The following CFAP20DC variants were observed in gnomAD, a reference collection of about 807,000 sequenced individuals.
CFAP20DC encodes the protein CFAP20 domain containing.
CFAP20DC carries 84 observed loss-of-function variants against 101.7 expected under a neutral mutation model. The observed-to-expected ratio is 0.83, with a 90% CI of 0.69 to 0.99. The LOEUF is 0.99. CFAP20DC is among the 50% of genes least tolerant of loss of function. The pLI is 0.00. For synonymous variants in CFAP20DC, 359 were observed against 351.2 expected (o/e 1.02, Z -0.25); for missense variants, 1,007 against 970.3 (o/e 1.04, Z -0.50).
chr3:58,808,777 A>G (rs2074343792), intron 14 of CFAP20DC, among the ~76,000 whole-genome samples: 1 of 152,328 alleles, frequency 6.6e-6, no homozygotes, highest in East Asian at 1.9e-4. Context: ...GGCAAATTGG[A>G]TAAAGAGTCA....
intron 16 of CFAP20DC, among the ~76,000 whole-genome samples, chr3:58,750,055 G>T (rs2068460806): frequency 6.6e-6 from 1 of 152,096 alleles, no homozygotes; most frequent in South Asian, 2.1e-4. Flanking sequence ...CTTCCTGCTG[G>T]CCGGCTGTGA....
At chr3:58,750,658 T>C (rs1346504085) in intron 16 of CFAP20DC, among the ~76,000 whole-genome samples, 2 of 152,200 alleles carry the variant, frequency 1.3e-5, no homozygotes, top group African/African-American at 4.8e-5. Flanking sequence ...CATTTGATCT[T>C]GGTCAAGTCA....
chr3:58,838,624 T>C (rs984477815), intron 13 of CFAP20DC, among the ~76,000 whole-genome samples: 2 of 152,228 alleles, frequency 1.3e-5, no homozygotes, highest in Non-Finnish European at 2.9e-5. Flanking sequence ...TGATGTGCTA[T>C]ATTTATATAG....
chr3:58,777,307 T>C (rs1209759985), intron 15 of CFAP20DC, among the ~76,000 whole-genome samples: 1 of 152,226 alleles, frequency 6.6e-6, no homozygotes, highest in Non-Finnish European at 1.5e-5. Flanking sequence ...TTACATGTAC[T>C]GATTGATGTC....
chr3:58,980,386 G>A (rs564583190), intron 4 of CFAP20DC, among the ~76,000 whole-genome samples: 33 of 152,212 alleles, frequency 2.2e-4, no homozygotes, highest in East Asian at 7.7e-4. Flanking sequence ...ACCAAAGGAC[G>A]GCAGAGACAC....
intron 4 of CFAP20DC, among the ~76,000 whole-genome samples, chr3:58,978,459 A>C (rs902679744): frequency 2.6e-5 from 4 of 152,088 alleles, no homozygotes; most frequent in African/African-American, 9.7e-5. Context: ...CTCTAATCCC[A>C]GCACTTTGGG....
intron 4 of CFAP20DC, among the ~76,000 whole-genome samples, chr3:58,995,641 T>C (rs556510779): frequency 3.3e-5 from 5 of 152,304 alleles, no homozygotes. Flanking sequence ...AAGGTGTTTT[T>C]GGCCGAGATT....
At position 59,001,741 on chromosome 3, in the gene CFAP20DC, A is replaced by G. The variant is rs2108758734; in HGVS notation, c.278+37816T>C. The stretch of plus-strand genomic sequence containing the variant: ...GTGTGAGCCACTGTGCCCGGCACAG[A>G]CAACCTTTTTCTAATCTCGCAAAAG... On this transcript the variant is annotated intron_variant, in intron 4 of 16. Coordinates refer to ENST00000482387, the MANE Select transcript of CFAP20DC (RefSeq NM_001394063.1). The surrounding 1 kb of genome is among the most constrained non-coding windows in gnomAD (Gnocchi z 4.5). Among the ~76,000 whole-genome samples the G allele has an allele frequency of 6.6e-6, 1 of 152,236 alleles. No homozygotes were observed. Among genetic ancestry groups the G allele is most frequent in the East Asian group, 1.9e-4 (1 of 5,170 alleles).
chr3:59,034,765 G>A (rs113451848), intron 4 of CFAP20DC, among the ~76,000 whole-genome samples: 1,785 of 152,224 alleles, frequency 0.012, 35 homozygotes, highest in African/African-American at 0.041. Context: ...ACACCCCACT[G>A]TCAATATTAG....
At chr3:58,848,953 G>C (rs1429695450) in intron 13 of CFAP20DC, 79 bp downstream of exon 13, 27 of 1,430,236 alleles carry the variant, frequency 1.9e-5, no homozygotes, top group Admixed American at 2.6e-5. Context: ...AAGAGATACT[G>C]CTAAAAACAT....
chr3:58,867,970 C>G lies in CFAP20DC; in HGVS notation c.1016-34G>C, dbSNP rs199964995. ...TCATATCAAAGCACAAAAGCCAGAA[C>G]AGAAAGTGCTATATGGCTTGAAGTA... On this transcript the variant is annotated intron_variant, in intron 9 of 16. Transcript: ENST00000482387. 8 of 1,577,836 alleles carry G rather than the reference C, an allele frequency of 5.1e-6. No homozygotes were observed. In the African/African-American group the frequency reaches 8.2e-5, roughly 16 times the overall value.
At chr3:58,927,380 T>C (rs2086102447) in intron 5 of CFAP20DC, among the ~76,000 whole-genome samples, 2 of 152,108 alleles carry the variant, frequency 1.3e-5, no homozygotes, top group African/African-American at 4.8e-5. Context: ...AATGTACACC[T>C]AGAAGGCCCA....
rs1576841522 is a variant in CFAP20DC at position 59,049,857 on chromosome 3, T to G, written c.-226A>C. 4 of 597,112 alleles carry G rather than the reference T, an allele frequency of 6.7e-6. No homozygotes were observed. The highest frequency in any genetic ancestry group is 1.2e-5 in the Non-Finnish European group (4 of 339,098). 37.0% of individuals were successfully genotyped at this position (597,112 alleles called of 1,614,324 possible). On this transcript the variant is annotated 5_prime_UTR_variant, in exon 1 of 17. Transcript: ENST00000482387. ...ACCATTGCGGCTCCAGCCTCCGCGGTGCCCGGGTCTGGGGAGGGCGCAGCT... is the reference window on the plus strand; with the variant it reads ...ACCATTGCGGCTCCAGCCTCCGCGGGGCCCGGGTCTGGGGAGGGCGCAGCT...
At chr3:59,012,180 T>C (rs1288524813) in intron 4 of CFAP20DC, among the ~76,000 whole-genome samples, 5 of 152,192 alleles carry the variant, frequency 3.3e-5, no homozygotes, top group East Asian at 3.9e-4. Context: ...TAGTCATTAA[T>C]TCAACTTGGA....
intron 6 of CFAP20DC, among the ~76,000 whole-genome samples, chr3:58,901,882 A>C (rs373353495): frequency 9.7e-4 from 148 of 152,268 alleles, no homozygotes; most frequent in African/African-American, 3.3e-3. Context: ...TATCACTCCA[A>C]AATAAAACCC....
chr3:58,747,750 G>A (rs544583364), intron 16 of CFAP20DC, among the ~76,000 whole-genome samples: 39 of 152,096 alleles, frequency 2.6e-4, no homozygotes, highest in Non-Finnish European at 1.9e-4. Context: ...CTGGGTGCTT[G>A]CAAACTCTAC....
chr3:58,794,474 T>C (rs999945724), intron 15 of CFAP20DC: 1 of 320,894 alleles, frequency 3.1e-6, no homozygotes, highest in Non-Finnish European at 6.5e-6. Flanking sequence ...GTATTTATTA[T>C]ACTGAGCGGG....
chr3:58,766,233 C>A (rs1345583471), intron 15 of CFAP20DC, among the ~76,000 whole-genome samples: 1 of 152,106 alleles, frequency 6.6e-6, no homozygotes, highest in African/African-American at 2.4e-5. Context: ...ATGGGCATGG[C>A]TGGATTCTAA....
At chr3:58,875,140 T>C (rs1454597165) in intron 7 of CFAP20DC, among the ~76,000 whole-genome samples, 2 of 152,214 alleles carry the variant, frequency 1.3e-5, no homozygotes, top group Non-Finnish European at 2.9e-5. Flanking sequence ...ATGATGATGC[T>C]CTCAACAGTA....
Sources: gnomAD v4.1 joint callset for allele counts (sites outside exome capture counted in the v4.1 genomes callset) on GRCh38, gnomAD v4.1.1 for gene constraint, Gnocchi (gnomAD v3.1) non-coding constraint, MANE v1.5 for transcripts, NCBI Gene and HGNC (gene_info 2026-07-23, HGNC 2026-07-21) for gene names.